Variants in SLK observed in about 807,000 individuals in gnomAD.
SLK encodes the protein STE20 like kinase.
SLK carries 67 observed loss-of-function variants against 147.7 expected under a neutral mutation model. The observed-to-expected ratio is 0.45, with a 90% CI of 0.37 to 0.56. The LOEUF is 0.56. Among genes scored for constraint, SLK ranks in the 20% least tolerant of loss-of-function variants. SLK has a pLI of 0.00. For synonymous variants in SLK, 441 were observed against 475.0 expected (o/e 0.93, Z 0.93); for missense variants, 1,136 against 1,438.8 (o/e 0.79, Z 3.41).
intron 4 of SLK, among the ~76,000 whole-genome samples, chr10:103,995,462 C>T (rs1206716712): frequency 8.8e-6 from 1 of 114,212 alleles, no homozygotes; most frequent in Non-Finnish European, 1.7e-5. Context: ...AAGTCTTGCT[C>T]TGTTGCCCAG....
In SLK at chr10:103,999,951, A is replaced by G. The variant is rs748420129; in HGVS notation, c.864+3A>G. 2 of 1,383,424 alleles carry G rather than the reference A, an allele frequency of 1.4e-6. No individual in the cohort carries two copies. The highest frequency in any genetic ancestry group is 3.7e-5 in the Admixed American group (2 of 54,290). The allele number at this position is 1,383,424 out of a possible 1,614,324, so 85.7% of individuals were successfully genotyped here. On this transcript the variant is annotated splice_donor_region_variant and intron_variant, in intron 7 of 18. Transcript: ENST00000369755. ...GGACTACATCTCAGCTGCTGCAGGT[A>G]AGAGAGTATGACAACAGCAAATAAT...
At chr10:104,014,394 TCATTTAACACTG>T (rs1457982895) in intron 13 of SLK, among the ~76,000 whole-genome samples, 1 of 152,224 alleles carries the variant, frequency 6.6e-6, no homozygotes, top group Non-Finnish European at 1.5e-5. Flanking sequence ...AATAACTAGC[TCATTTAACACTG>T]TAATTTTTGT....
At chr10:104,018,952 G>A (rs764334765) in intron 15 of SLK, 44 bp downstream of exon 15, 15 of 1,530,592 alleles carry the variant, frequency 9.8e-6, no homozygotes, top group Non-Finnish European at 1.1e-5. Context: ...TCGTTTTAAA[G>A]TTTGCAAAGC....
intron 1 of SLK, among the ~76,000 whole-genome samples, chr10:103,975,370 G>A (rs988758250): frequency 5.3e-5 from 8 of 151,976 alleles, no homozygotes; most frequent in Non-Finnish European, 7.4e-5. Context: ...AGTTGCATAG[G>A]CCAGAGACCT....
intron 9 of SLK, among the ~76,000 whole-genome samples, chr10:104,004,172 A>T (rs1844294147): frequency 6.6e-6 from 1 of 152,182 alleles, no homozygotes; most frequent in Non-Finnish European, 1.5e-5. Context: ...CTCTGGGTTG[A>T]TAGTAGCAGA....
rs762684526 is a variant in SLK at position 103,967,714 on chromosome 10, T to A, written c.-32T>A. 5 of 1,609,556 alleles carry A rather than the reference T, an allele frequency of 3.1e-6. No individual in the cohort carries two copies. The South Asian group carries it at 5.5e-5, about 18-fold the overall frequency. On this transcript the variant is annotated 5_prime_UTR_variant, in exon 1 of 19. Transcript: ENST00000369755. ...TTTGCCTTTTATTGTTTTTAGTCCT[T>A]AAGTGCAAGGAACTCTGTGTTGGGA...
chr10:103,984,418 A>G (rs928534800), intron 1 of SLK, among the ~76,000 whole-genome samples: 3 of 151,864 alleles, frequency 2.0e-5, no homozygotes, highest in Non-Finnish European at 2.9e-5. Flanking sequence ...TCCTCATCTT[A>G]TTTTATGTTT....
intron 18 of SLK, 34 bp downstream of exon 18, chr10:104,021,767 G>A (rs1564664900): frequency 3.4e-6 from 4 of 1,191,286 alleles, no homozygotes; most frequent in Non-Finnish European, 5.0e-6. Context: ...AATGATATGT[G>A]TGTACTCGTC....
In SLK at chr10:104,019,674, A is replaced by G. The variant is rs1844509790; in HGVS notation, c.3133-60A>G. The G allele has an allele frequency of 2.3e-5, 28 of 1,224,820 alleles. 1 individual carries two copies. The South Asian group carries it at 3.2e-4, about 14-fold the overall frequency. 75.9% of individuals were successfully genotyped at this position (1,224,820 alleles called of 1,614,324 possible). On this transcript the variant is annotated intron_variant, in intron 15 of 18. Transcript: ENST00000369755. ...CAATAACAAAATGACATATTTGAATATGCATGTGGGTACTGACTATTGTTT... is the reference window on the plus strand; with the variant it reads ...CAATAACAAAATGACATATTTGAATGTGCATGTGGGTACTGACTATTGTTT...
At chr10:104,008,089 A>G in intron 11 of SLK, 88 bp from the exon 12 acceptor site, 2 of 943,360 alleles carry the variant, frequency 2.1e-6, no homozygotes, top group Non-Finnish European at 3.2e-6. Context: ...TTTAAATACT[A>G]GTTATGTTCT....
intron 1 of SLK, among the ~76,000 whole-genome samples, chr10:103,987,123 C>G (rs1844028435): frequency 6.6e-6 from 1 of 152,142 alleles, no homozygotes; most frequent in Non-Finnish European, 1.5e-5. Context: ...TTTTTTAGAA[C>G]TAGATCCTGA....
intron 1 of SLK, among the ~76,000 whole-genome samples, chr10:103,979,762 C>T (rs1320165228): frequency 6.6e-6 from 1 of 152,004 alleles, no homozygotes; most frequent in Non-Finnish European, 1.5e-5. Context: ...GATACTTATC[C>T]TTTGTCCGTT....
At chr10:103,969,983 A>T (rs1327437168) in intron 1 of SLK, among the ~76,000 whole-genome samples, 1 of 152,238 alleles carries the variant, frequency 6.6e-6, no homozygotes, top group Admixed American at 6.5e-5. Flanking sequence ...GAATATAAAC[A>T]GCTTAGTAGT....
rs530444090 is a variant in SLK, at chr10:103,988,764, A to G, written c.151-1911A>G. 2.6e-5 allele frequency among the ~76,000 whole-genome samples: 4 copies of G among 152,312 alleles called. No individual in the cohort carries two copies. In the South Asian group the frequency reaches 8.3e-4, roughly 32 times the overall value. On this transcript the variant is annotated intron_variant, in intron 1 of 18. Coordinates refer to ENST00000369755, the MANE Select transcript of SLK (RefSeq NM_014720.4). ...ATTTTTGAATCCTTCTATATATGCC[A>G]GATAGTATATTAAATGTTTATATGT...
chr10:104,001,042 G>C (rs1364032469), intron 7 of SLK, among the ~76,000 whole-genome samples: 1 of 113,210 alleles, frequency 8.8e-6, no homozygotes, highest in African/African-American at 3.6e-5. Context: ...CTGAGTGATA[G>C]AGTGAGACTC....
At chr10:103,982,699 T>G (rs1843961889) in intron 1 of SLK, among the ~76,000 whole-genome samples, 2 of 152,226 alleles carry the variant, frequency 1.3e-5, no homozygotes, top group African/African-American at 4.8e-5. Flanking sequence ...CTTGCGGCAC[T>G]TACTTGGTTA....
intron 12 of SLK, among the ~76,000 whole-genome samples, chr10:104,010,226 A>G (rs1200662102): frequency 1.3e-5 from 2 of 152,216 alleles, no homozygotes; most frequent in Non-Finnish European, 2.9e-5. Context: ...CATCAGATAC[A>G]TTCATTTTTA....
At chr10:103,989,510 C>T (rs1208127122) in intron 1 of SLK, among the ~76,000 whole-genome samples, 3 of 137,300 alleles carry the variant, frequency 2.2e-5, no homozygotes, top group African/African-American at 5.7e-5. Context: ...GCTCTGTCAC[C>T]CAGACTGGAG....
intron 13 of SLK, among the ~76,000 whole-genome samples, chr10:104,015,532 T>C (rs1480066607): frequency 1.3e-5 from 2 of 152,016 alleles, no homozygotes; most frequent in African/African-American, 4.8e-5. Flanking sequence ...CACTACTCTT[T>C]ATGTGGACTG....
Sources: allele counts gnomAD v4.1 joint callset (sites outside exome capture counted in the v4.1 genomes callset), GRCh38; gene constraint gnomAD v4.1.1; transcripts MANE v1.5; gene names NCBI Gene and HGNC (gene_info 2026-07-23, HGNC 2026-07-21).